MOK: variants seen among roughly 807,000 people sequenced by gnomAD.
MOK encodes the protein MAPK/MAK/MRK overlapping kinase.
In MOK, 59 loss-of-function variants were observed where a neutral mutation model predicts 54.2. The ratio of observed to expected loss-of-function variants is 1.09; its 90% CI spans 0.88 to 1.35. MOK has a LOEUF of 1.35. Among genes scored for constraint, MOK ranks in the 40% most tolerant of loss-of-function variants. MOK has a pLI of 0.00. For missense variants in MOK, 517 were observed against 526.2 expected (o/e 0.98, Z 0.17); for synonymous variants, 210 against 202.7 (o/e 1.04, Z -0.31).
chr14:102,283,352 GC>G (rs1384044583), intron 2 of MOK, 125 bp downstream of exon 2: 3 of 617,264 alleles, frequency 4.9e-6, no homozygotes, highest in Non-Finnish European at 8.4e-6. Context: ...AACCCTCACT[GC>G]CCAAAGAAAT....
intron 1 of MOK, among the ~76,000 whole-genome samples, chr14:102,288,857 T>G (rs1169872310): frequency 6.6e-6 from 1 of 152,216 alleles, no homozygotes; most frequent in East Asian, 1.9e-4. Flanking sequence ...TTCATTGGCA[T>G]GTTCACTTCA....
At chr14:102,286,270 G>T (rs1297505934) in intron 1 of MOK, among the ~76,000 whole-genome samples, 1 of 129,192 alleles carries the variant, frequency 7.7e-6, no homozygotes, top group African/African-American at 3.0e-5. Context: ...CTGCACTCCA[G>T]CCTGGGCGAC....
intron 2 of MOK, among the ~76,000 whole-genome samples, chr14:102,274,703 G>A (rs916456180): frequency 3.3e-5 from 5 of 151,854 alleles, no homozygotes; most frequent in South Asian, 2.1e-4. Context: ...GGCCGGGCAC[G>A]GTAACTCACG....
At chr14:102,295,860 G>A (rs1029078381) in intron 1 of MOK, among the ~76,000 whole-genome samples, 4 of 152,216 alleles carry the variant, frequency 2.6e-5, no homozygotes, top group African/African-American at 4.8e-5. Flanking sequence ...TCTGGACTGG[G>A]CGTGATGGCT....
chr14:102,250,842 C>T lies in MOK; in HGVS notation c.560G>A (p.Ser187Asn). The stretch of plus-strand genomic sequence containing the variant: ...GATCTCGTAGAACACACAGCCGGCG[C>T]TCCACAGGTCCATCTTGTACGTGTA... ...GFYTYKMDLWSAGCVFYEIAS... is the reference protein window; with the variant it reads ...GFYTYKMDLWNAGCVFYEIAS... The change falls in exon 7 of 12, where the codon AGC becomes AAC. Residue 187 changes from serine (S) to asparagine (N), a missense_variant. Ser to Asn is a conservative substitution (Grantham distance 46, BLOSUM62 1). Coordinates refer to ENST00000361847, the MANE Select transcript of MOK (RefSeq NM_014226.3). 3.7e-6 allele frequency: 6 copies of T among 1,614,090 alleles called. No individual in the cohort carries two copies. The highest frequency in any genetic ancestry group is 5.1e-6 in the Non-Finnish European group (6 of 1,180,012).
At chr14:102,298,896 G>C (rs1278337503) in intron 1 of MOK, among the ~76,000 whole-genome samples, 2 of 152,156 alleles carry the variant, frequency 1.3e-5, no homozygotes, top group Non-Finnish European at 2.9e-5. Context: ...AACAAGTCCA[G>C]ATGCGCCGCC....
At chr14:102,303,848 G>A (rs1338021886) in intron 1 of MOK, among the ~76,000 whole-genome samples, 5 of 152,294 alleles carry the variant, frequency 3.3e-5, no homozygotes, top group Middle Eastern at 3.4e-3. Context: ...AGTGAAGGAC[G>A]GGTTTATAAA....
At chr14:102,222,786 C>G, downstream of MOK, 2 of 1,612,338 alleles carry the variant, frequency 1.2e-6, no homozygotes, top group East Asian at 2.2e-5. This position sits in a 1 kb window ranked among gnomAD's most constrained non-coding sequence, Gnocchi z 4.4. Flanking sequence ...GGCTGTTGCC[C>G]GTCCGGTGTT....
At chr14:102,272,132 A>G (rs937135454) in intron 2 of MOK, among the ~76,000 whole-genome samples, 4 of 152,116 alleles carry the variant, frequency 2.6e-5, no homozygotes, top group African/African-American at 4.8e-5. Context: ...CAGCCTCCCA[A>G]TGTGCTGGGA....
chr14:102,290,728 G>A (rs1022719193), intron 1 of MOK, among the ~76,000 whole-genome samples: 2 of 152,070 alleles, frequency 1.3e-5, no homozygotes, highest in Admixed American at 6.6e-5. Flanking sequence ...CAAAACACGA[G>A]GATCCCTGAA....
intron 4 of MOK, among the ~76,000 whole-genome samples, chr14:102,253,744 G>A (rs892073386): frequency 2.0e-5 from 3 of 152,118 alleles, no homozygotes; most frequent in African/African-American, 7.2e-5. Flanking sequence ...AATTTTACTT[G>A]ATTTTAATTT....
At chr14:102,244,634 C>A (rs1318134733) in intron 7 of MOK, among the ~76,000 whole-genome samples, 1 of 152,206 alleles carries the variant, frequency 6.6e-6, no homozygotes, top group Non-Finnish European at 1.5e-5. Context: ...TGCCCTGAGT[C>A]AGGAAACTAA....
chr14:102,256,436 T>C (rs1567179152), intron 4 of MOK, among the ~76,000 whole-genome samples: 1 of 151,684 alleles, frequency 6.6e-6, no homozygotes, highest in East Asian at 1.9e-4. Flanking sequence ...GCTAATTTAG[T>C]GGTGGCGGGT....
intron 8 of MOK, chr14:102,233,441 C>T (rs2064927297): frequency 4.2e-6 from 2 of 481,886 alleles, no homozygotes; most frequent in African/African-American, 2.0e-5. Flanking sequence ...GCCTGACTCC[C>T]CAGCCCTCAG....
intron 1 of MOK, among the ~76,000 whole-genome samples, chr14:102,287,079 A>G (rs1410322990): frequency 1.3e-5 from 2 of 152,146 alleles, no homozygotes; most frequent in Non-Finnish European, 2.9e-5. Context: ...TCACTGTTTT[A>G]TTTCAAAATA....
chr14:102,247,007 A>G (rs2066143239), intron 7 of MOK, among the ~76,000 whole-genome samples: 1 of 151,608 alleles, frequency 6.6e-6, no homozygotes, highest in Non-Finnish European at 1.5e-5. Flanking sequence ...CTTAACAAAA[A>G]CTCAGAGTAC....
intron 4 of MOK, among the ~76,000 whole-genome samples, chr14:102,256,276 T>C (rs2153117553): frequency 6.6e-6 from 1 of 151,898 alleles, no homozygotes; most frequent in East Asian, 1.9e-4. Flanking sequence ...TTTTTTTTAA[T>C]TTTTTGGGCT....
At chr14:102,226,224 GTGCT>G (rs1345454753), downstream of MOK, 48 of 639,878 alleles carry the variant, frequency 7.5e-5, no homozygotes, top group Middle Eastern at 9.1e-4. This position sits in a 1 kb window ranked among gnomAD's most constrained non-coding sequence, Gnocchi z 4.8. Flanking sequence ...GGGCTCCCCT[GTGCT>G]TCTGCCCGGT....
intron 4 of MOK, among the ~76,000 whole-genome samples, chr14:102,259,842 G>A (rs757719987): frequency 6.6e-6 from 1 of 151,816 alleles, no homozygotes; most frequent in Non-Finnish European, 1.5e-5. Context: ...TCAAGAGATC[G>A]AGACCATCCT....
Sources: allele counts gnomAD v4.1 joint callset (sites outside exome capture counted in the v4.1 genomes callset), GRCh38; gene constraint gnomAD v4.1.1; non-coding constraint Gnocchi (gnomAD v3.1); transcripts MANE v1.5; gene names NCBI Gene and HGNC (gene_info 2026-07-23, HGNC 2026-07-21).